Variants in RPS6KC1 observed in about 807,000 individuals in gnomAD.
RPS6KC1 encodes the protein inactive ribosomal protein S6 kinase delta-1.
In RPS6KC1, 54 loss-of-function variants were observed where a neutral mutation model predicts 103.8. The ratio of observed to expected loss-of-function variants is 0.52; its 90% CI spans 0.42 to 0.65. RPS6KC1 has a LOEUF of 0.65. Ranked by LOEUF, RPS6KC1 falls within the 30% of genes least tolerant of loss-of-function variation. RPS6KC1 has a pLI of 0.00. For synonymous variants in RPS6KC1, 439 were observed against 438.7 expected (o/e 1.00, Z -0.01); for missense variants, 1,151 against 1,253.8 (o/e 0.92, Z 1.24).
chr1:213,557,898 G>A, the RPS6KC1 span, among the ~76,000 whole-genome samples: 44 of 152,196 alleles, frequency 2.9e-4, no homozygotes, highest in African/African-American at 1.0e-3. Context: ...TTTCTCAGTG[G>A]GTTGAGTTTG....
In RPS6KC1 at chr1:213,068,309, C is replaced by T. The variant is rs141330319; in HGVS notation, c.106-2697C>T. 9.2e-3 allele frequency among the ~76,000 whole-genome samples: 1,395 copies of T among 151,612 alleles called. 12 individuals carry two copies. Among genetic ancestry groups the T allele is most frequent in the Middle Eastern group, 0.037 (11 of 294 alleles). ...GACCATCCTGGCCAACATGGTGAAA[C>T]CTTGTCTCTACTAAAAATACAAAAA... On this transcript the variant is annotated intron_variant, in intron 1 of 14. Transcript: ENST00000366960.
chr1:213,053,996 C>T (rs545669921), intron 1 of RPS6KC1, among the ~76,000 whole-genome samples: 5 of 152,140 alleles, frequency 3.3e-5, no homozygotes, highest in East Asian at 1.9e-4. Context: ...CCACCATACC[C>T]GGCTAATTTG....
intron 3 of RPS6KC1, among the ~76,000 whole-genome samples, chr1:213,103,922 G>A (rs765330665): frequency 1.3e-5 from 2 of 152,136 alleles, no homozygotes; most frequent in Non-Finnish European, 2.9e-5. Context: ...TTTCTCACAA[G>A]CATGCTGTTA....
the RPS6KC1 span, among the ~76,000 whole-genome samples, chr1:213,402,382 C>T: frequency 6.6e-6 from 1 of 152,204 alleles, no homozygotes; most frequent in African/African-American, 2.4e-5. Context: ...GAAATACTCA[C>T]ACACCCCCTC....
chr1:213,148,121 G>A (rs915902731), intron 6 of RPS6KC1, among the ~76,000 whole-genome samples: 3 of 152,056 alleles, frequency 2.0e-5, no homozygotes, highest in Non-Finnish European at 2.9e-5. Flanking sequence ...CCAAATACAC[G>A]GTCATATCAT....
Position 213,145,967 on chromosome 1 carries a change from G to GTTTTTTTTTTTT in RPS6KC1, c.835+16094_835+16105dup, listed in dbSNP as rs71573864. Among the ~76,000 whole-genome samples the GTTTTTTTTTTTT allele has an allele frequency of 8.4e-5, 4 of 47,834 alleles. 1 individual carries two copies. The highest frequency in any genetic ancestry group is 1.0e-4 in the Non-Finnish European group (3 of 29,324). 31.4% of individuals were successfully genotyped at this position (47,834 alleles called of 152,430 possible). On this transcript the variant is annotated intron_variant, in intron 6 of 14. Coordinates refer to ENST00000366960, the MANE Select transcript of RPS6KC1 (RefSeq NM_012424.6). ...CAAATAGGTCTTATTCATTCATTCT[G>GTTTTTTTTTTTT]TTTTTTTTTTTTTTTTTTTTTTTTT...
intron 1 of RPS6KC1, among the ~76,000 whole-genome samples, chr1:213,055,832 CATTT>C (rs2148285457): frequency 6.6e-6 from 1 of 152,326 alleles, no homozygotes; most frequent in East Asian, 1.9e-4. Context: ...TATATCTCCT[CATTT>C]ATTTAGCTCT....
the RPS6KC1 span, among the ~76,000 whole-genome samples, chr1:213,434,426 T>C: frequency 1.3e-5 from 2 of 152,190 alleles, no homozygotes; most frequent in African/African-American, 4.8e-5. Context: ...AGAAATCTGC[T>C]ACCATTATTA....
chr1:213,433,203 T>C, the RPS6KC1 span, among the ~76,000 whole-genome samples: 1 of 152,200 alleles, frequency 6.6e-6, no homozygotes, highest in East Asian at 1.9e-4. Context: ...AAGCCAGAAA[T>C]ATTGCATCTC....
chr1:213,344,966 G>C, the RPS6KC1 span, among the ~76,000 whole-genome samples: 1 of 152,076 alleles, frequency 6.6e-6, no homozygotes, highest in African/African-American at 2.4e-5. Context: ...AGTATTTGTT[G>C]AATAAATGAA....
chr1:213,624,138 T>C, the RPS6KC1 span, among the ~76,000 whole-genome samples: 3,122 of 152,168 alleles, frequency 0.021, 116 homozygotes, highest in African/African-American at 0.072. Flanking sequence ...TGGATATAGA[T>C]GCTGAGAGGT....
the RPS6KC1 span, among the ~76,000 whole-genome samples, chr1:213,689,876 C>G: frequency 6.6e-6 from 1 of 152,190 alleles, no homozygotes; most frequent in Non-Finnish European, 1.5e-5. Context: ...TCAATGTACA[C>G]CCATTGACAT....
intron 8 of RPS6KC1, among the ~76,000 whole-genome samples, chr1:213,188,488 T>A (rs1469068361): frequency 1.3e-5 from 2 of 152,168 alleles, no homozygotes; most frequent in Non-Finnish European, 2.9e-5. Flanking sequence ...AATTCCATGT[T>A]GTTACTGGTA....
rs559416389 is a variant in RPS6KC1 at position 213,167,721 on chromosome 1, C to G, written c.836-137C>G. 16 of 485,364 alleles carry G rather than the reference C, an allele frequency of 3.3e-5. No individual in the cohort carries two copies. In the South Asian group the frequency reaches 4.5e-4, roughly 14 times the overall value. 30.1% of individuals were successfully genotyped at this position (485,364 alleles called of 1,614,324 possible). ...AGACTTGGTTGATACTAATAACTTT[C>G]ATGTCTTTTCCAATTTTGAATATCT... On this transcript the variant is annotated intron_variant, in intron 6 of 14. Transcript: ENST00000366960.
At chr1:213,408,085 C>T in the RPS6KC1 span, among the ~76,000 whole-genome samples, 1 of 152,204 alleles carries the variant, frequency 6.6e-6, no homozygotes, top group African/African-American at 2.4e-5. Context: ...GACACCAGGA[C>T]ATTCATTCTT....
At chr1:213,562,370 T>TC in the RPS6KC1 span, among the ~76,000 whole-genome samples, 1 of 12,816 alleles carries the variant, frequency 7.8e-5, no homozygotes, top group African/African-American at 1.5e-4. Flanking sequence ...TTTTTTTTTT[T>TC]TTTTTTTTTT....
the RPS6KC1 span, among the ~76,000 whole-genome samples, chr1:213,455,499 T>G: frequency 2.6e-5 from 4 of 152,100 alleles, no homozygotes; most frequent in Non-Finnish European, 5.9e-5. Flanking sequence ...CAAAGGGAAT[T>G]TCAGGTCTAT....
At chr1:213,504,775 T>C in the RPS6KC1 span, among the ~76,000 whole-genome samples, 1 of 152,338 alleles carries the variant, frequency 6.6e-6, no homozygotes, top group African/African-American at 2.4e-5. Context: ...GCAACTTGTT[T>C]TTTTCCCCTC....
At chr1:213,543,613 A>G in the RPS6KC1 span, among the ~76,000 whole-genome samples, 8 of 152,352 alleles carry the variant, frequency 5.3e-5, no homozygotes, top group South Asian at 1.7e-3. Flanking sequence ...ATCCAGGATA[A>G]ACGCGGATTT....
Sources: gnomAD v4.1 joint callset for allele counts (sites outside exome capture counted in the v4.1 genomes callset) on GRCh38, gnomAD v4.1.1 for gene constraint, MANE v1.5 for transcripts, NCBI Gene and HGNC (gene_info 2026-07-23, HGNC 2026-07-21) for gene names.